CPED1: variants seen among roughly 807,000 people sequenced by gnomAD.
CPED1 encodes the protein cadherin-like and PC-esterase domain-containing protein 1.
CPED1 carries 114 observed loss-of-function variants against 128.2 expected under a neutral mutation model. That is an observed-to-expected ratio of 0.89 (90% confidence interval 0.76 to 1.04). The LOEUF is 1.04. Among genes scored for constraint, CPED1 ranks in the 50% least tolerant of loss-of-function variants. CPED1 has a pLI of 0.00. For missense variants in CPED1, 1,211 were observed against 1,207.1 expected (o/e 1.00, Z -0.05); for synonymous variants, 462 against 426.7 (o/e 1.08, Z -1.02).
chr7:121,284,851 G>A (rs1584654600), intron 22 of CPED1, among the ~76,000 whole-genome samples: 1 of 152,186 alleles, frequency 6.6e-6, no homozygotes, highest in East Asian at 1.9e-4. Context: ...CACAGTGCAA[G>A]CTGTTGGTGG....
chr7:121,008,943 C>G (rs760393949), intron 2 of CPED1, among the ~76,000 whole-genome samples: 10 of 152,228 alleles, frequency 6.6e-5, no homozygotes, highest in African/African-American at 1.7e-4. Context: ...ATCTGTCCCA[C>G]TGGGTGCTTT....
chr7:121,164,013 C>T (rs1330488397), intron 16 of CPED1, among the ~76,000 whole-genome samples: 1 of 152,190 alleles, frequency 6.6e-6, no homozygotes, highest in Non-Finnish European at 1.5e-5. Context: ...AGAAGTATGT[C>T]CTCAGTCCCA....
chr7:120,997,095 C>T (rs1796419478), intron 2 of CPED1, among the ~76,000 whole-genome samples: 2 of 152,266 alleles, frequency 1.3e-5, no homozygotes, highest in African/African-American at 4.8e-5. Context: ...GCCTGCTCTA[C>T]TCAATACCTC....
chr7:121,240,351 G>T (rs2116676530), intron 17 of CPED1, among the ~76,000 whole-genome samples: 1 of 152,234 alleles, frequency 6.6e-6, no homozygotes, highest in South Asian at 2.1e-4. Context: ...GGATGCATAT[G>T]CTCTGAGATT....
At chr7:121,105,442 C>G (rs1794951816) in intron 7 of CPED1, among the ~76,000 whole-genome samples, 1 of 152,090 alleles carries the variant, frequency 6.6e-6, no homozygotes, top group African/African-American at 2.4e-5. Context: ...GGCTACGAAG[C>G]AGACCTTGTA....
chr7:121,171,645 G>A (rs1178619995), intron 16 of CPED1, among the ~76,000 whole-genome samples: 4 of 152,050 alleles, frequency 2.6e-5, no homozygotes. Flanking sequence ...ATCTTTGTAA[G>A]TCTCATTCAT....
At chr7:121,099,726 A>G (rs769379439) in intron 6 of CPED1, among the ~76,000 whole-genome samples, 200 bp from the exon 7 acceptor site, 5 of 152,122 alleles carry the variant, frequency 3.3e-5, no homozygotes, top group Non-Finnish European at 7.4e-5. Context: ...ACTATTACCA[A>G]TTTGACTCCT....
intron 16 of CPED1, among the ~76,000 whole-genome samples, chr7:121,211,693 G>A (rs556806924): frequency 1.2e-4 from 18 of 152,174 alleles, no homozygotes; most frequent in Admixed American, 5.9e-4. Flanking sequence ...CAGCTGAGTG[G>A]AGAGAGGCAA....
chr7:121,179,049 C>G (rs1371026940), intron 16 of CPED1, among the ~76,000 whole-genome samples: 1 of 151,968 alleles, frequency 6.6e-6, no homozygotes, highest in Non-Finnish European at 1.5e-5. Flanking sequence ...GGGAGGAGAA[C>G]AAAGCTGTAC....
chr7:121,006,819 T>G (rs1211318759), intron 2 of CPED1, among the ~76,000 whole-genome samples: 1 of 152,116 alleles, frequency 6.6e-6, no homozygotes, highest in African/African-American at 2.4e-5. Context: ...CCCACAGCTG[T>G]GCAACGTGGG....
At chr7:121,235,884 A>G (rs1190172254) in intron 16 of CPED1, among the ~76,000 whole-genome samples, 1 of 152,144 alleles carries the variant, frequency 6.6e-6, no homozygotes, top group East Asian at 1.9e-4. Flanking sequence ...AGATGTCTCC[A>G]TGCAAAATTA....
chr7:121,190,822 T>C (rs1797119684), intron 16 of CPED1, among the ~76,000 whole-genome samples: 1 of 152,172 alleles, frequency 6.6e-6, no homozygotes, highest in South Asian at 2.1e-4. Flanking sequence ...AGCTCTGGAT[T>C]ATTCTACCAC....
chr7:121,060,334 G>T (rs1052826508), intron 4 of CPED1, among the ~76,000 whole-genome samples: 17 of 152,242 alleles, frequency 1.1e-4, no homozygotes, highest in African/African-American at 4.1e-4. Context: ...GCACGGCGCG[G>T]GACTGGCAGG....
chr7:121,072,621 A>G, intron 5 of CPED1, among the ~76,000 whole-genome samples: 1 of 152,108 alleles, frequency 6.6e-6, no homozygotes. Flanking sequence ...GTACCCCTAG[A>G]GTTTTTTCCA....
intron 16 of CPED1, among the ~76,000 whole-genome samples, chr7:121,142,466 A>C (rs1364376042): frequency 1.3e-5 from 2 of 152,002 alleles, no homozygotes; most frequent in South Asian, 4.1e-4. Context: ...TTTTTCTTGG[A>C]TTTGTCCCTG....
chr7:121,102,739 G>C (rs1794885643), intron 7 of CPED1, among the ~76,000 whole-genome samples: 1 of 152,082 alleles, frequency 6.6e-6, no homozygotes, highest in Non-Finnish European at 1.5e-5. Flanking sequence ...ACAGGGGAGA[G>C]TTAGGAGGAA....
intron 3 of CPED1, among the ~76,000 whole-genome samples, chr7:121,035,013 A>G (rs751396074): frequency 7.9e-5 from 12 of 152,190 alleles, no homozygotes; most frequent in Non-Finnish European, 1.2e-4. Flanking sequence ...ATGATTTCTT[A>G]AGCAAATATA....
In CPED1 at chr7:121,018,788, T is replaced by A. The variant is rs139080264; in HGVS notation, c.433+2940T>A. Among the ~76,000 whole-genome samples the A allele has an allele frequency of 5.9e-5, 9 of 152,136 alleles. No homozygotes were observed. The East Asian group carries it at 1.7e-3, about 29-fold the overall frequency. On this transcript the variant is annotated intron_variant, in intron 3 of 22. Coordinates refer to ENST00000310396, the MANE Select transcript of CPED1 (RefSeq NM_024913.5). ...TGAAGAGTAGTACATATTTAGCAAT[T>A]TTCTGTCAATTTCTGAATACATATT... is the stretch of plus-strand genomic sequence containing the variant.
chr7:121,096,889 A>G (rs1794712640), intron 5 of CPED1, among the ~76,000 whole-genome samples: 1 of 152,112 alleles, frequency 6.6e-6, no homozygotes, highest in African/African-American at 2.4e-5. Flanking sequence ...ATACCTACAT[A>G]TATAGGTTCA....
Sources: gnomAD v4.1 joint callset for allele counts (sites outside exome capture counted in the v4.1 genomes callset) on GRCh38, gnomAD v4.1.1 for gene constraint, MANE v1.5 for transcripts, NCBI Gene and HGNC (gene_info 2026-07-23, HGNC 2026-07-21) for gene names.